The following MT1H variants were observed in gnomAD, a reference collection of about 807,000 sequenced individuals.
The protein encoded by MT1H is metallothionein-1H.
Under a neutral mutation model 8.7 loss-of-function variants are expected in MT1H, and 8 were observed. The ratio of observed to expected loss-of-function variants is 0.92; its 90% CI spans 0.54 to 1.66. The LOEUF is 1.66. Among genes scored for constraint, MT1H ranks in the 40% most tolerant of loss-of-function variants. The pLI is 0.00. For synonymous variants in MT1H, 32 were observed against 28.9 expected, an observed-to-expected ratio of 1.11 and a Z score of -0.34; for missense variants, 84 against 75.2, an observed-to-expected ratio of 1.12 and a Z score of -0.43.
chr16:56,670,853 T>A, intron 2 of MT1H, 45 bp from the exon 3 acceptor site: 3 of 1,611,278 alleles, frequency 1.9e-6, no homozygotes, highest in Non-Finnish European at 1.7e-6. Flanking sequence ...GAGAGGGAGC[T>A]CCCTGGTCAA....
At chr16:56,670,846 A>G (rs972172628) in intron 2 of MT1H, 52 bp from the exon 3 acceptor site, 30 of 1,608,730 alleles carry the variant, frequency 1.9e-5, no homozygotes, top group Admixed American at 6.7e-5. Flanking sequence ...CTGTTGGGAG[A>G]GGGAGCTCCC....
chr16:56,670,980 C>T lies in MT1H; in HGVS notation c.177C>T (p.Cys59=), dbSNP rs1320730561. The T allele has an allele frequency of 6.2e-7, 1 of 1,614,252 alleles. No individual in the cohort carries two copies. The highest frequency in any genetic ancestry group is 1.1e-5 in the South Asian group (1 of 91,088). ...AAGGGGCGTCAGAGAAGTGCAGCTG[C>T]TGTGCCTGATGTCGGGACAGCCCTG... ...ICKGASEKCS[C]CA Residue 59 remains cysteine, a synonymous_variant, in exon 3 of 3, where the codon TGC becomes TGT. Transcript: ENST00000332374.
chr16:56,670,777 C>G, intron 2 of MT1H, 121 bp from the exon 3 acceptor site: 1 of 1,532,244 alleles, frequency 6.5e-7, no homozygotes. Context: ...CCTGAAAAAG[C>G]TGTGCCATCC....
At position 56,671,089 on chromosome 16, in the gene MT1H, T is replaced by G; in HGVS notation, c.*100T>G. On this transcript the variant is annotated 3_prime_UTR_variant, in exon 3 of 3. Coordinates refer to ENST00000332374, the MANE Select transcript of MT1H (RefSeq NM_005951.2). ...GACTCATTTGCTACATTCCTTTTTT[T>G]CTGTGAAATATGTGAATAATAATTA... 1 of 1,439,550 alleles carries G rather than the reference T, an allele frequency of 6.9e-7. No homozygotes were observed. The highest frequency in any genetic ancestry group is 1.3e-5 in the South Asian group (1 of 74,432). The allele number at this position is 1,439,550 out of a possible 1,614,324, so 89.2% of individuals were successfully genotyped here.
rs1165233556 is a variant in MT1H, at chr16:56,670,982, G to C, written c.179G>C (p.Cys60Ser). ...GGGGCGTCAGAGAAGTGCAGCTGCTGTGCCTGATGTCGGGACAGCCCTGCT... is the reference window on the plus strand; with the variant it reads ...GGGGCGTCAGAGAAGTGCAGCTGCTCTGCCTGATGTCGGGACAGCCCTGCT... ...CKGASEKCSC[C>S]A The change falls in exon 3 of 3, where the codon TGT becomes TCT. Residue 60 changes from cysteine to serine, a missense_variant. Coordinates refer to ENST00000332374, the MANE Select transcript of MT1H (RefSeq NM_005951.2). 6.2e-7 allele frequency: 1 copy of C among 1,614,118 alleles called. No homozygotes were observed. Among genetic ancestry groups the C allele is most frequent in the Non-Finnish European group, 8.5e-7 (1 of 1,180,056 alleles).
In MT1H at chr16:56,671,127, T is replaced by C; in HGVS notation, c.*138T>C. ...TGAATAATAATTAAACACTTAGACT[T>C]GATTCCCGTTCTGGTTCCTGTTGTG... On this transcript the variant is annotated 3_prime_UTR_variant, in exon 3 of 3. Coordinates refer to ENST00000332374, the MANE Select transcript of MT1H (RefSeq NM_005951.2). 4.0e-6 allele frequency: 5 copies of C among 1,249,726 alleles called. No homozygotes were observed. Among genetic ancestry groups the C allele is most frequent in the Non-Finnish European group, 5.4e-6 (5 of 919,432 alleles). The allele number at this position is 1,249,726 out of a possible 1,614,324, so 77.4% of individuals were successfully genotyped here.
chr16:56,669,852 C>G lies in MT1H; in HGVS notation c.-33C>G. 1.2e-6 allele frequency: 2 copies of G among 1,614,168 alleles called. No individual in the cohort carries two copies. Among genetic ancestry groups the G allele is most frequent in the South Asian group, 1.1e-5 (1 of 91,084 alleles). ...CGTGTTCCACTGCCTCTTCTCTTCT[C>G]GCTTGGGAACTCCAGTCTCACCTCG... On this transcript the variant is annotated 5_prime_UTR_variant, in exon 1 of 3. Transcript: ENST00000332374.
intron 1 of MT1H, 28 bp downstream of exon 1, chr16:56,669,940 A>G (rs762610771): frequency 4.2e-5 from 67 of 1,613,554 alleles, no homozygotes; most frequent in Non-Finnish European, 5.3e-5. Flanking sequence ...TCTGTGCCTT[A>G]GGATGCCAAA....
chr16:56,670,631 A>G, intron 2 of MT1H, 60 bp downstream of exon 2: 1 of 1,613,886 alleles, frequency 6.2e-7, no homozygotes, highest in Non-Finnish European at 8.5e-7. Flanking sequence ...AGGGAACCCA[A>G]GGCTGGCCCT....
chr16:56,670,079 C>T (rs932012207), intron 1 of MT1H, among the ~76,000 whole-genome samples, 167 bp downstream of exon 1: 2 of 152,248 alleles, frequency 1.3e-5, no homozygotes, highest in Non-Finnish European at 2.9e-5. Context: ...TGTCCCTCTT[C>T]CCTGTGCCTC....
chr16:56,671,107 A>G lies in MT1H; in HGVS notation c.*118A>G, dbSNP rs1270571871. 33 of 1,360,678 alleles carry G rather than the reference A, an allele frequency of 2.4e-5. No individual in the cohort carries two copies. The highest frequency in any genetic ancestry group is 3.2e-5 in the Non-Finnish European group (32 of 1,007,622). The allele number at this position is 1,360,678 out of a possible 1,614,324, so 84.3% of individuals were successfully genotyped here. On this transcript the variant is annotated 3_prime_UTR_variant, in exon 3 of 3. Coordinates refer to ENST00000332374, the MANE Select transcript of MT1H (RefSeq NM_005951.2). ...CTTTTTTTCTGTGAAATATGTGAAT[A>G]ATAATTAAACACTTAGACTTGATTC...
At position 56,669,975 on chromosome 16, in the gene MT1H, C is replaced by T. The variant is rs116297653; in HGVS notation, c.28+63C>T. The T allele has an allele frequency of 9.7e-4, 1,566 of 1,608,100 alleles. 9 individuals are homozygous for T. In the African/African-American group the frequency reaches 0.019, roughly 20 times the overall value. ...ATTCCCAGACACCATAGAGAGTGTCCCTGGGTTTGAGGAGGTCATATTTTG... is the reference window on the plus strand; with the variant it reads ...ATTCCCAGACACCATAGAGAGTGTCTCTGGGTTTGAGGAGGTCATATTTTG... On this transcript the variant is annotated intron_variant, in intron 1 of 2. Transcript: ENST00000332374.
chr16:56,670,354 A>G, intron 1 of MT1H, 152 bp from the exon 2 acceptor site: 15 of 1,168,390 alleles, frequency 1.3e-5, no homozygotes, highest in Non-Finnish European at 1.8e-5. Context: ...GCATGAATGG[A>G]GAGGAGATGG....
intron 1 of MT1H, 70 bp from the exon 2 acceptor site, chr16:56,670,436 C>T: frequency 5.0e-6 from 8 of 1,604,680 alleles, no homozygotes; most frequent in Non-Finnish European, 6.8e-6. Flanking sequence ...GGGAAGTGGA[C>T]ACTCATTGAC....
rs1383110048 is a variant in MT1H, at chr16:56,670,913, GC to G, written c.115del (p.Leu39TrpfsTer59). Reference sequence around the variant, plus strand: ...TTTTCCCCAGGCTGCTGCTCCTGTTGCCCCCTGGGCTGTGCCAAGTGTGCCC... The same window carrying G: ...TTTTCCCCAGGCTGCTGCTCCTGTTGCCCCTGGGCTGTGCCAAGTGTGCCC... ...TSCKKSCCSC[C>X]PLGCAKCAQG... On this transcript the variant is annotated frameshift_variant, in exon 3 of 3. Transcript: ENST00000332374. LOFTEE classifies it high-confidence loss of function. 1 of 1,614,100 alleles carries G rather than the reference GC, an allele frequency of 6.2e-7. No homozygotes were observed.
intron 1 of MT1H, 32 bp from the exon 2 acceptor site, chr16:56,670,474 C>A: frequency 6.2e-7 from 1 of 1,614,204 alleles, no homozygotes. Context: ...GCATCTCACT[C>A]ACAACACACT....
chr16:56,669,916 A>G lies in MT1H; in HGVS notation c.28+4A>G. 6.2e-7 allele frequency: 1 copy of G among 1,612,872 alleles called. No individual in the cohort carries two copies. The highest frequency in any genetic ancestry group is 8.5e-7 in the Non-Finnish European group (1 of 1,179,970). ...CCCAACTGCTCCTGCGAGGCTGGTA[A>G]GGAACGCCCGGGTTCTGTGCCTTAG... On this transcript the variant is annotated splice_donor_region_variant and intron_variant, in intron 1 of 2. Coordinates refer to ENST00000332374, the MANE Select transcript of MT1H (RefSeq NM_005951.2).
Position 56,670,762 on chromosome 16 carries a change from C to T in MT1H, c.95-136C>T, listed in dbSNP as rs777465225. The T allele has an allele frequency of 6.0e-6, 9 of 1,497,126 alleles. No homozygotes were observed. In the East Asian group the frequency reaches 6.9e-5, roughly 12 times the overall value. The allele number at this position is 1,497,126 out of a possible 1,614,324, so 92.7% of individuals were successfully genotyped here. ...AAGACTCACCCCAATATCCACCAGT[C>T]GTCTCCTGAAAAAGCTGTGCCATCC... On this transcript the variant is annotated intron_variant, in intron 2 of 2. Coordinates refer to ENST00000332374, the MANE Select transcript of MT1H (RefSeq NM_005951.2).
rs1960857413 is a variant in MT1H, at chr16:56,670,528, C to T, written c.51C>T (p.Gly17=). The change falls in exon 2 of 3, where the codon GGC becomes GGT. Residue 17 remains glycine (G), a synonymous_variant. Coordinates refer to ENST00000332374, the MANE Select transcript of MT1H (RefSeq NM_005951.2). ...CAGGTGGCTCCTGCGCCTGCGCCGG[C>T]TCCTGCAAGTGCAAAAAGTGCAAAT... ...CEAGGSCACA[G]SCKCKKCKCT... 1 of 1,614,140 alleles carries T rather than the reference C, an allele frequency of 6.2e-7. No homozygotes were observed. Among genetic ancestry groups the T allele is most frequent in the African/African-American group, 1.3e-5 (1 of 74,950 alleles).
Sources: allele counts gnomAD v4.1 joint callset (sites outside exome capture counted in the v4.1 genomes callset), GRCh38; gene constraint gnomAD v4.1.1; transcripts MANE v1.5; gene names NCBI Gene and HGNC (gene_info 2026-07-23, HGNC 2026-07-21).